RNFT2: variants seen among roughly 807,000 people sequenced by gnomAD.
RNFT2 encodes the protein E3 ubiquitin-protein ligase RNFT2.
Under a neutral mutation model 53.0 loss-of-function variants are expected in RNFT2, and 36 were observed. The observed-to-expected ratio is 0.68, with a 90% CI of 0.52 to 0.90. RNFT2 has a LOEUF of 0.90. RNFT2 is among the 40% of genes least tolerant of loss of function. RNFT2 has a pLI of 0.00. For synonymous variants in RNFT2, 260 were observed against 253.2 expected (o/e 1.03, Z -0.26); for missense variants, 514 against 585.6 (o/e 0.88, Z 1.26).
intron 5 of RNFT2, among the ~76,000 whole-genome samples, chr12:116,765,296 A>G (rs976318499): frequency 3.3e-5 from 5 of 152,222 alleles, no homozygotes; most frequent in Non-Finnish European, 7.3e-5. Flanking sequence ...TCACATTGAT[A>G]AGAGCAGTTG....
chr12:116,793,027 C>T (rs1186535612), intron 7 of RNFT2, among the ~76,000 whole-genome samples: 1 of 152,094 alleles, frequency 6.6e-6, no homozygotes, highest in South Asian at 2.1e-4. Context: ...CCAATTCCCA[C>T]GTGCCTTGCA....
intron 7 of RNFT2, among the ~76,000 whole-genome samples, chr12:116,817,160 G>A (rs1157997078): frequency 6.6e-6 from 1 of 152,062 alleles, no homozygotes; most frequent in Admixed American, 6.6e-5. Context: ...CTACAGGCAC[G>A]CACTACCATG....
chr12:116,852,796 T>G lies in RNFT2; in HGVS notation c.*3348T>G, dbSNP rs903772. ...ACTTTGGGAAGTCACTCAGCCTCCCTGTAGCCATCTCCAGGGTGACGGAAC... is the reference window on the plus strand; with the variant it reads ...ACTTTGGGAAGTCACTCAGCCTCCCGGTAGCCATCTCCAGGGTGACGGAAC... On this transcript the variant is annotated 3_prime_UTR_variant, in exon 11 of 11. Transcript: ENST00000257575. The G allele has an allele frequency of 7.2e-7, 1 of 1,386,614 alleles. No homozygotes were observed. The allele number at this position is 1,386,614 out of a possible 1,614,324, so 85.9% of individuals were successfully genotyped here.
At chr12:116,775,957 T>G (rs1204339700) in intron 6 of RNFT2, among the ~76,000 whole-genome samples, 1 of 151,774 alleles carries the variant, frequency 6.6e-6, no homozygotes, top group Admixed American at 6.6e-5. Context: ...GCAGAAGAAT[T>G]GCTTGAAGCC....
In RNFT2 at chr12:116,853,448, G is replaced by T. The variant is rs1878021552; in HGVS notation, c.*4000G>T. Reference sequence around the variant, plus strand: ...TAGGTGCATCAGCTTCGGAAGAGAAGAATGATGTGCAGAGTGTTAGGAAGA... The same window carrying T: ...TAGGTGCATCAGCTTCGGAAGAGAATAATGATGTGCAGAGTGTTAGGAAGA... On this transcript the variant is annotated 3_prime_UTR_variant, in exon 11 of 11. Coordinates refer to ENST00000257575, the MANE Select transcript of RNFT2 (RefSeq NM_001382266.1). 1 of 359,222 alleles carries T rather than the reference G, an allele frequency of 2.8e-6. No individual in the cohort carries two copies. Among genetic ancestry groups the T allele is most frequent in the Non-Finnish European group, 5.0e-6 (1 of 201,780 alleles). 22.3% of individuals were successfully genotyped at this position (359,222 alleles called of 1,614,324 possible). A position where few individuals can be genotyped will look rare whatever the true frequency, so the allele number is the denominator to read the frequency against.
At chr12:116,784,292 C>A (rs1458103634) in intron 7 of RNFT2, among the ~76,000 whole-genome samples, 1 of 152,226 alleles carries the variant, frequency 6.6e-6, no homozygotes, top group Non-Finnish European at 1.5e-5. Context: ...TAGGCAGCAT[C>A]CGCCGCACGT....
In RNFT2 at chr12:116,779,394, A is replaced by G. The variant is rs1347422081; in HGVS notation, c.882+46A>G. ...CAAGGTAGCCCCAGTCACATGGATC[A>G]TGCAGAGGATTCAGGGTGCCTTCTG... On this transcript the variant is annotated intron_variant, in intron 7 of 10. Transcript: ENST00000257575. 2.5e-6 allele frequency: 4 copies of G among 1,605,910 alleles called. No individual in the cohort carries two copies. In the South Asian group the frequency reaches 4.4e-5, roughly 18 times the overall value.
chr12:116,842,111 C>T (rs557795205), intron 10 of RNFT2, among the ~76,000 whole-genome samples: 9 of 150,672 alleles, frequency 6.0e-5, no homozygotes, highest in African/African-American at 9.8e-5. Context: ...ATCCAAGCTC[C>T]GCCGTGTGGT....
intron 7 of RNFT2, among the ~76,000 whole-genome samples, chr12:116,810,231 C>T (rs1440679971): frequency 2.0e-5 from 3 of 152,246 alleles, no homozygotes; most frequent in African/African-American, 7.2e-5. Flanking sequence ...GACACCTAAA[C>T]CAGTCCCCAG....
chr12:116,826,120 C>T (rs965865845), intron 7 of RNFT2, among the ~76,000 whole-genome samples: 1 of 152,104 alleles, frequency 6.6e-6, no homozygotes, highest in African/African-American at 2.4e-5. Flanking sequence ...GTGCGTTCTT[C>T]CAAAAAATTC....
At chr12:116,837,667 A>T (rs903276388) in intron 10 of RNFT2, among the ~76,000 whole-genome samples, 4 of 152,230 alleles carry the variant, frequency 2.6e-5, no homozygotes, top group Non-Finnish European at 5.9e-5. Context: ...GACTAAACAC[A>T]GTCTGGGACC....
At position 116,750,797 on chromosome 12, in the gene RNFT2, G is replaced by A. The variant is rs545820102; in HGVS notation, c.550+490G>A. On this transcript the variant is annotated intron_variant, in intron 4 of 10. Coordinates refer to ENST00000257575, the MANE Select transcript of RNFT2 (RefSeq NM_001382266.1). Reference sequence around the variant, plus strand: ...CATTATTTTTACTATATGTGTGTGTGTATATATATATAATATATATATTAT... The same window carrying A: ...CATTATTTTTACTATATGTGTGTGTATATATATATATAATATATATATTAT... 1.7e-4 allele frequency among the ~76,000 whole-genome samples: 13 copies of A among 77,928 alleles called. No homozygotes were observed. The South Asian group carries it at 2.4e-3, about 15-fold the overall frequency. The allele number at this position is 77,928 out of a possible 152,430, so 51.1% of individuals were successfully genotyped here. A position where few individuals can be genotyped will look rare whatever the true frequency, so the allele number is the denominator to read the frequency against.
At chr12:116,765,970 T>G (rs1421042507) in intron 5 of RNFT2, among the ~76,000 whole-genome samples, 1 of 152,212 alleles carries the variant, frequency 6.6e-6, no homozygotes, top group African/African-American at 2.4e-5. Context: ...AATATGAATC[T>G]GTACCAGACT....
At chr12:116,812,409 C>T (rs987354410) in intron 7 of RNFT2, among the ~76,000 whole-genome samples, 13 of 152,136 alleles carry the variant, frequency 8.5e-5, no homozygotes, top group Admixed American at 2.0e-4. Flanking sequence ...ATGGGCCTGA[C>T]CAGATTACCG....
chr12:116,805,193 G>A (rs763821047), intron 7 of RNFT2, among the ~76,000 whole-genome samples: 2 of 146,594 alleles, frequency 1.4e-5, no homozygotes, highest in African/African-American at 2.5e-5. Flanking sequence ...TTCCTCTATC[G>A]CCCACTGCTT....
intron 1 of RNFT2, among the ~76,000 whole-genome samples, chr12:116,739,637 C>T (rs1169973399): frequency 2.0e-5 from 3 of 152,192 alleles, no homozygotes; most frequent in Non-Finnish European, 4.4e-5. Context: ...AAGGGGAGGG[C>T]ACAGCAAGTG....
chr12:116,754,104 A>G (rs1872383076), intron 5 of RNFT2, 44 bp downstream of exon 5: 9 of 1,506,392 alleles, frequency 6.0e-6, no homozygotes, highest in Non-Finnish European at 8.3e-6. Context: ...GCTGCAACAA[A>G]TAAGCCACAA....
chr12:116,790,916 G>A (rs1426359931), intron 7 of RNFT2, among the ~76,000 whole-genome samples: 2 of 152,138 alleles, frequency 1.3e-5, no homozygotes, highest in Non-Finnish European at 2.9e-5. Context: ...AACCCTGATC[G>A]CAGCACTGCA....
intron 7 of RNFT2, among the ~76,000 whole-genome samples, chr12:116,785,744 A>C (rs1873906726): frequency 6.6e-6 from 1 of 152,130 alleles, no homozygotes; most frequent in Non-Finnish European, 1.5e-5. Context: ...GTTTATTTTC[A>C]GCAGACGAAA....
Sources: gnomAD v4.1 joint callset for allele counts (sites outside exome capture counted in the v4.1 genomes callset) on GRCh38, gnomAD v4.1.1 for gene constraint, MANE v1.5 for transcripts, NCBI Gene and HGNC (gene_info 2026-07-23, HGNC 2026-07-21) for gene names.